The following FHOD1 variants were observed in gnomAD, a reference collection of about 807,000 sequenced individuals.
The protein encoded by FHOD1 is formin homology 2 domain containing 1.
In FHOD1, 89 loss-of-function variants were observed where a neutral mutation model predicts 111.6. The observed-to-expected ratio is 0.80, with a 90% CI of 0.67 to 0.95. The LOEUF (loss-of-function observed/expected upper bound fraction) is 0.95, where lower values mean the gene tolerates loss of function less well. Ranked by LOEUF, FHOD1 falls within the 40% of genes least tolerant of loss-of-function variation. The pLI, the probability that FHOD1 is intolerant of heterozygous loss-of-function variation, is 0.00. For synonymous variants in FHOD1, 618 were observed against 639.0 expected, an observed-to-expected ratio of 0.97 and a Z score of 0.50; for missense variants, 1,446 against 1,554.2, an observed-to-expected ratio of 0.93 and a Z score of 1.17.
At chr16:67,246,271 G>A (rs1010862305) in intron 1 of FHOD1, among the ~76,000 whole-genome samples, 2 of 152,198 alleles carry the variant, frequency 1.3e-5, no homozygotes, top group Non-Finnish European at 2.9e-5. Flanking sequence ...CACCCACCCC[G>A]ACTCTCTCTC....
chr16:67,238,169 G>C lies in FHOD1; in HGVS notation c.547+33C>G, dbSNP rs1434669805. The C allele has an allele frequency of 6.2e-7, 1 of 1,613,970 alleles. No individual in the cohort carries two copies. The highest frequency in any genetic ancestry group is 1.7e-5 in the Admixed American group (1 of 60,030). The stretch of plus-strand genomic sequence containing the variant: ...TGGGCAGAGTCAGCGAGGGTCGCTG[G>C]AGCAGAGGTCATGGGAGAGGGGCGG... On this transcript the variant is annotated intron_variant, in intron 5 of 21. Transcript: ENST00000258201. This position sits in a 1 kb window ranked among gnomAD's most constrained non-coding sequence, Gnocchi z 4.2.
Position 67,231,442 on chromosome 16 carries a change from G to A in FHOD1, c.2493C>T (p.Leu831=). Residue 831 remains leucine (L), a synonymous_variant, in exon 16 of 22, where the codon CTC becomes CTT. Coordinates refer to ENST00000258201, the MANE Select transcript of FHOD1 (RefSeq NM_013241.3). This position sits in a 1 kb window ranked among gnomAD's most constrained non-coding sequence, Gnocchi z 4.3. ...LATLLAVGNF[L]NGSQSSGFEL... ...TACTCTCACTCACCTGGGAGCCATT[G>A]AGGAAGTTGCCCACCGCTAGGAGGG... 2 of 1,614,170 alleles carry A rather than the reference G, an allele frequency of 1.2e-6. No homozygotes were observed. Among genetic ancestry groups the A allele is most frequent in the South Asian group, 1.1e-5 (1 of 91,076 alleles).
At chr16:67,245,292 C>T (rs780072337) in intron 1 of FHOD1, among the ~76,000 whole-genome samples, 3 of 152,144 alleles carry the variant, frequency 2.0e-5, no homozygotes, top group African/African-American at 7.2e-5. Flanking sequence ...TATTCTTCAC[C>T]GGAGCTCAGT....
intron 1 of FHOD1, among the ~76,000 whole-genome samples, chr16:67,240,439 G>T (rs1034642410): frequency 6.6e-6 from 1 of 152,196 alleles, no homozygotes; most frequent in Non-Finnish European, 1.5e-5. Flanking sequence ...TGAGGCAGGA[G>T]AATTGCTTGA....
Position 67,238,187 on chromosome 16 carries a change from A to G in FHOD1, c.547+15T>C. 6.2e-7 allele frequency: 1 copy of G among 1,613,836 alleles called. No homozygotes were observed. ...GTCGCTGGAGCAGAGGTCATGGGAG[A>G]GGGGCGGGGCTGACCTCTAAGGATG... On this transcript the variant is annotated intron_variant, in intron 5 of 21. Coordinates refer to ENST00000258201, the MANE Select transcript of FHOD1 (RefSeq NM_013241.3). The surrounding 1 kb of genome is among the most constrained non-coding windows in gnomAD (Gnocchi z 4.2).
In FHOD1 at chr16:67,233,639, G is replaced by A. The variant is rs199569957; in HGVS notation, c.2046+18C>T. On this transcript the variant is annotated intron_variant, in intron 13 of 21. Transcript: ENST00000258201. ...CTCCTGCCTCCCTTGGGGCTACCTTGCAGATGAGTGGATTTACCTTGGAGG... is the reference window on the plus strand; with the variant it reads ...CTCCTGCCTCCCTTGGGGCTACCTTACAGATGAGTGGATTTACCTTGGAGG... 4.4e-5 allele frequency: 70 copies of A among 1,574,540 alleles called. 1 individual carries two copies. The Middle Eastern group carries it at 6.8e-4, about 15-fold the overall frequency.
chr16:67,245,306 G>A (rs919276954), intron 1 of FHOD1, among the ~76,000 whole-genome samples: 22 of 152,316 alleles, frequency 1.4e-4, no homozygotes, highest in South Asian at 1.0e-3. Flanking sequence ...GCTCAGTAGT[G>A]TCCTCAGCTA....
In FHOD1 at chr16:67,231,630, C is replaced by G; in HGVS notation, c.2385+7G>C. 1 of 1,614,100 alleles carries G rather than the reference C, an allele frequency of 6.2e-7. No homozygotes were observed. Among genetic ancestry groups the G allele is most frequent in the Non-Finnish European group, 8.5e-7 (1 of 1,179,974 alleles). On this transcript the variant is annotated splice_region_variant and intron_variant, in intron 15 of 21. Transcript: ENST00000258201. The surrounding 1 kb of genome is among the most constrained non-coding windows in gnomAD (Gnocchi z 4.3). ...CTACTGACTGTCCCACTCCAAGACC[C>G]AGGTACCCGCTCCATGCTGTCATAG...
intron 1 of FHOD1, among the ~76,000 whole-genome samples, chr16:67,245,991 C>G (rs1384672025): frequency 6.6e-6 from 1 of 152,218 alleles, no homozygotes; most frequent in Non-Finnish European, 1.5e-5. Context: ...CTGAATAGGG[C>G]AAGAGAAGCG....
chr16:67,237,241 C>A lies in FHOD1; in HGVS notation c.991G>T (p.Glu331Ter). Residue 331 changes from glutamate to a stop codon, truncating the protein, a stop_gained and splice_region_variant, in exon 9 of 22, where the codon GAG becomes TAG. Coordinates refer to ENST00000258201, the MANE Select transcript of FHOD1 (RefSeq NM_013241.3). LOFTEE classifies it high-confidence loss of function. The surrounding 1 kb of genome is among the most constrained non-coding windows in gnomAD (Gnocchi z 5.6). ...TCAGAGCGTAAGGCCCGGCCCACCT[C>A]GTAGAGCACAAGCTGCGTGCGCAGG... ...VDLRTQLVLYENALKLEDGDI... is the reference protein window; with the variant it reads ...VDLRTQLVLY The A allele has an allele frequency of 3.1e-6, 5 of 1,613,194 alleles. No homozygotes were observed. The highest frequency in any genetic ancestry group is 4.2e-6 in the Non-Finnish European group (5 of 1,179,516).
At chr16:67,242,745 G>A (rs1017470544) in intron 1 of FHOD1, among the ~76,000 whole-genome samples, 3 of 152,010 alleles carry the variant, frequency 2.0e-5, no homozygotes, top group African/African-American at 7.3e-5. Flanking sequence ...TCTCACATTG[G>A]CCTCCAGCCC....
At position 67,237,959 on chromosome 16, in the gene FHOD1, T is replaced by G; in HGVS notation, c.642+75A>C. 5 of 1,517,350 alleles carry G rather than the reference T, an allele frequency of 3.3e-6. No homozygotes were observed. The highest frequency in any genetic ancestry group is 4.6e-6 in the Non-Finnish European group (5 of 1,097,238). 94.0% of individuals were successfully genotyped at this position (1,517,350 alleles called of 1,614,324 possible). A position where few individuals can be genotyped will look rare whatever the true frequency, so the allele number is the denominator to read the frequency against. On this transcript the variant is annotated intron_variant, in intron 6 of 21. Transcript: ENST00000258201. The surrounding 1 kb of genome is among the most constrained non-coding windows in gnomAD (Gnocchi z 5.6). ...TCAGACTCACTCCCTTCCAGCTCACTTTGCAGAACAGGAAACTGAGGCCCA... is the reference window on the plus strand; with the variant it reads ...TCAGACTCACTCCCTTCCAGCTCACGTTGCAGAACAGGAAACTGAGGCCCA...
chr16:67,238,101 T>A lies in FHOD1; in HGVS notation c.575A>T (p.Asp192Val), dbSNP rs1300167969. 1 of 1,614,076 alleles carries A rather than the reference T, an allele frequency of 6.2e-7. No individual in the cohort carries two copies. The highest frequency in any genetic ancestry group is 8.5e-7 in the Non-Finnish European group (1 of 1,180,016). The change falls in exon 6 of 22, where the codon GAT becomes GTT. Residue 192 changes from aspartate (D) to valine (V), a missense_variant. This residue lies in a region of FHOD1 where 234 missense variants were observed against 327.4 expected (regional missense o/e 0.71). Transcript: ENST00000258201. The surrounding 1 kb of genome is among the most constrained non-coding windows in gnomAD (Gnocchi z 4.2). ...RALGQLMLFV[D>V]GMLGVVAHSD... is the part of the protein sequence containing the mutation. ...GTGGGCCACCACCCCCAGCATTCCA[T>A]CCACAAAGAGCATCAGCTGGCCGAG...
chr16:67,241,651 A>G lies in FHOD1; in HGVS notation c.202-2197T>C, dbSNP rs542421811. ...AGCCCAGTGGGGCAGACGGGAAGAC[A>G]GACAGACGAGTCAGAAAAAGCTCAC... On this transcript the variant is annotated intron_variant, in intron 1 of 21. Transcript: ENST00000258201. Among the ~76,000 whole-genome samples the G allele has an allele frequency of 4.6e-5, 7 of 152,380 alleles. No homozygotes were observed. The East Asian group carries it at 1.3e-3, about 29-fold the overall frequency.
At chr16:67,239,822 C>A (rs1340079213) in intron 1 of FHOD1, among the ~76,000 whole-genome samples, 1 of 152,190 alleles carries the variant, frequency 6.6e-6, no homozygotes, top group Non-Finnish European at 1.5e-5. Flanking sequence ...TCAGGCACTC[C>A]GTCTGTCTTG....
At chr16:67,246,783 A>G in intron 1 of FHOD1, 1 of 188,742 alleles carries the variant, frequency 5.3e-6, no homozygotes. Flanking sequence ...CACCTCTAGT[A>G]GTCCGCCTCG....
intron 11 of FHOD1, 26 bp downstream of exon 11, chr16:67,236,531 A>G (rs2034481866): frequency 2.5e-6 from 4 of 1,606,454 alleles, no homozygotes; most frequent in Non-Finnish European, 3.4e-6. Context: ...AGAGGACTCC[A>G]GGGTGGCCTC....
At position 67,236,989 on chromosome 16, in the gene FHOD1, G is replaced by A. The variant is rs1358268428; in HGVS notation, c.1119C>T (p.Cys373=). The A allele has an allele frequency of 6.2e-7, 1 of 1,602,560 alleles. No individual in the cohort carries two copies. The highest frequency in any genetic ancestry group is 8.5e-7 in the Non-Finnish European group (1 of 1,175,088). ...RSRRSLEGGG[C]PARAPEPGPT... is the part of the protein sequence containing the mutation. ...ACCCAGGTTCCGGGGCACGCGCGGG[G>A]CAGCCCCCGCCTTCCAGAGAACGGC... is the stretch of plus-strand genomic sequence containing the variant. The change falls in exon 10 of 22, where the codon TGC becomes TGT. Residue 373 remains cysteine (C), a synonymous_variant. Transcript: ENST00000258201.
At position 67,237,675 on chromosome 16, in the gene FHOD1, A is replaced by T. The variant is rs1463784973; in HGVS notation, c.736T>A (p.Ser246Thr). 4.3e-6 allele frequency: 7 copies of T among 1,614,050 alleles called. No individual in the cohort carries two copies. The part of the protein sequence containing the change: ...NAPLFIRAVN[S>T]VASTTGAPPW... The stretch of plus-strand genomic sequence containing the variant: ...CTCTGACCGGTGGTGCTGGCCACAG[A>T]GTTCACTGCACGGATGAACAGCGGT... Residue 246 changes from serine to threonine, a missense_variant, in exon 7 of 22, where the codon TCT (serine) becomes ACT (threonine). Ser to Thr is a moderately conservative substitution (Grantham distance 58). This residue lies in a region of FHOD1 where 234 missense variants were observed against 327.4 expected (regional missense o/e 0.71). Transcript: ENST00000258201. The surrounding 1 kb of genome is among the most constrained non-coding windows in gnomAD (Gnocchi z 5.6).
Sources: allele counts gnomAD v4.1 joint callset (sites outside exome capture counted in the v4.1 genomes callset), GRCh38; gene constraint gnomAD v4.1.1; regional missense constraint gnomAD v4.1.1; non-coding constraint Gnocchi (gnomAD v3.1); transcripts MANE v1.5; gene names NCBI Gene and HGNC (gene_info 2026-07-23, HGNC 2026-07-21).